The following SOX6 variants were observed in gnomAD, a reference collection of about 807,000 sequenced individuals.
The protein encoded by SOX6 is SRY-box transcription factor 6.
In SOX6, 11 loss-of-function variants were observed where a neutral mutation model predicts 97.8. The ratio of observed to expected loss-of-function variants is 0.11; its 90% CI spans 0.07 to 0.19. The LOEUF is 0.19. Ranked by LOEUF, SOX6 falls within the 10% of genes least tolerant of loss-of-function variation. The pLI is 1.00. For missense variants in SOX6, 810 were observed against 1,039.5 expected, an observed-to-expected ratio of 0.78 and a Z score of 3.04; for synonymous variants, 360 against 371.4, an observed-to-expected ratio of 0.97 and a Z score of 0.35.
At chr11:15,999,767 G>T (rs930295979) in intron 13 of SOX6, among the ~76,000 whole-genome samples, 1 of 152,094 alleles carries the variant, frequency 6.6e-6, no homozygotes, top group Non-Finnish European at 1.5e-5. Context: ...CTATTGGGTT[G>T]CTTGATGGAA....
intron 3 of SOX6, among the ~76,000 whole-genome samples, chr11:16,302,236 A>C (rs1855279124): frequency 6.6e-6 from 1 of 152,186 alleles, no homozygotes; most frequent in Admixed American, 6.5e-5. Flanking sequence ...AATTATGTCG[A>C]TCATCCTCCT....
rs542235972 is a variant in SOX6 at position 16,538,034 on chromosome 11, C to G, written n.610-61646G>C. Among the ~76,000 whole-genome samples the G allele has an allele frequency of 1.8e-4, 28 of 152,096 alleles. No homozygotes were observed. The South Asian group carries it at 5.6e-3, about 30-fold the overall frequency. On this transcript the variant is annotated intron_variant and non_coding_transcript_variant, in intron 4 of 5. Transcript: ENST00000524520. ...CAAGACACATAATTTTCAGATTCACCAAGGTTAAAATGAAGGAAAAAATGT... is the reference window on the plus strand; with the variant it reads ...CAAGACACATAATTTTCAGATTCACGAAGGTTAAAATGAAGGAAAAAATGT...
At chr11:16,000,372 A>C (rs1754469773) in intron 13 of SOX6, among the ~76,000 whole-genome samples, 1 of 152,188 alleles carries the variant, frequency 6.6e-6, no homozygotes, top group Admixed American at 6.5e-5. Flanking sequence ...CTTTTATAAA[A>C]ATTACCTAGA....
At chr11:16,582,454 G>T (rs1366087765) in intron 4 of SOX6, among the ~76,000 whole-genome samples, 1 of 151,934 alleles carries the variant, frequency 6.6e-6, no homozygotes, top group Non-Finnish European at 1.5e-5. Context: ...ATCACCCTTT[G>T]TATCTTTAGC....
At chr11:16,342,994 C>T (rs937125252) in intron 1 of SOX6, among the ~76,000 whole-genome samples, 79 of 151,660 alleles carry the variant, frequency 5.2e-4, no homozygotes, top group Non-Finnish European at 5.8e-4. Flanking sequence ...ATTAAATGTT[C>T]TAAAGAGTGC....
chr11:16,232,547 AT>A (rs1451499222), intron 4 of SOX6, among the ~76,000 whole-genome samples: 2 of 152,042 alleles, frequency 1.3e-5, no homozygotes, highest in African/African-American at 4.8e-5. Context: ...AGACTAGCAC[AT>A]TTTTTAAATT....
At chr11:16,329,713 A>G (rs1299295108) in intron 2 of SOX6, among the ~76,000 whole-genome samples, 7 of 152,346 alleles carry the variant, frequency 4.6e-5, no homozygotes, top group Admixed American at 3.3e-4. Context: ...GAACAGTGGC[A>G]TTACATAGTA....
chr11:16,190,556 T>C (rs1851601888), intron 4 of SOX6, among the ~76,000 whole-genome samples: 1 of 152,318 alleles, frequency 6.6e-6, no homozygotes, highest in African/African-American at 2.4e-5. Flanking sequence ...TATATGCAAA[T>C]ACCAGGCCAT....
intron 3 of SOX6, among the ~76,000 whole-genome samples, chr11:16,705,079 G>A (rs956417514): frequency 2.6e-5 from 4 of 151,896 alleles, no homozygotes; most frequent in African/African-American, 4.8e-5. Flanking sequence ...CCAACATGGT[G>A]AAATCCTGTC....
chr11:16,697,450 A>G (rs576381493), intron 3 of SOX6, among the ~76,000 whole-genome samples: 2 of 152,296 alleles, frequency 1.3e-5, no homozygotes, highest in African/African-American at 2.4e-5. Context: ...CCTGGCCAAC[A>G]TGGCAAAACC....
At chr11:16,245,592 C>T (rs1853312768) in intron 3 of SOX6, among the ~76,000 whole-genome samples, 2 of 151,534 alleles carry the variant, frequency 1.3e-5, no homozygotes, top group Non-Finnish European at 3.0e-5. Context: ...CATTATTTTG[C>T]TTCATGTATT....
chr11:16,403,810 TTTTTTCC>T (rs1330932449), intron 1 of SOX6, among the ~76,000 whole-genome samples: 2 of 151,660 alleles, frequency 1.3e-5, no homozygotes, highest in East Asian at 3.9e-4. Context: ...ACACAGCTTG[TTTTTTCC>T]TTTCCCACTT....
chr11:16,467,181 C>T (rs866958546), intron 1 of SOX6, among the ~76,000 whole-genome samples: 5 of 152,194 alleles, frequency 3.3e-5, no homozygotes, highest in South Asian at 4.1e-4. Flanking sequence ...TGCTTATACA[C>T]CGTTTGGGGA....
chr11:16,398,631 C>T (rs922856499), intron 1 of SOX6, among the ~76,000 whole-genome samples: 2 of 151,358 alleles, frequency 1.3e-5, no homozygotes, highest in African/African-American at 2.4e-5. Flanking sequence ...GGTCTAGCTG[C>T]CTATGCCTCT....
intron 1 of SOX6, among the ~76,000 whole-genome samples, chr11:16,384,202 A>AT (rs1857908993): frequency 1.7e-5 from 1 of 59,508 alleles, no homozygotes; most frequent in Non-Finnish European, 3.3e-5. Context: ...TAACCTTTCT[A>AT]TTTTTTCTAA....
chr11:16,652,146 C>T (rs904576047), intron 3 of SOX6, among the ~76,000 whole-genome samples: 9 of 152,008 alleles, frequency 5.9e-5, no homozygotes, highest in African/African-American at 2.2e-4. Flanking sequence ...TCCATGCTCA[C>T]GGATGGATAG....
At chr11:16,315,301 T>C (rs1855726773) in intron 3 of SOX6, 1 of 152,140 alleles carries the variant, frequency 6.6e-6, no homozygotes, top group South Asian at 2.1e-4. Context: ...TAAAAAAAGA[T>C]CTGTAGGCTT....
chr11:16,560,998 G>T (rs909767857), intron 4 of SOX6, among the ~76,000 whole-genome samples: 1 of 152,062 alleles, frequency 6.6e-6, no homozygotes, highest in Non-Finnish European at 1.5e-5. Context: ...AGGAATAAAG[G>T]ACTACACATT....
intron 3 of SOX6, among the ~76,000 whole-genome samples, chr11:16,643,382 G>A (rs1848957103): frequency 6.6e-6 from 1 of 152,250 alleles, no homozygotes; most frequent in African/African-American, 2.4e-5. Context: ...TGAGGAGGCA[G>A]TCTGTCCATT....
Sources: gnomAD v4.1 joint callset for allele counts (sites outside exome capture counted in the v4.1 genomes callset) on GRCh38, gnomAD v4.1.1 for gene constraint, MANE v1.5 for transcripts, NCBI Gene and HGNC (gene_info 2026-07-23, HGNC 2026-07-21) for gene names.